Variants in HIVEP2 observed in about 807,000 individuals in gnomAD.
HIVEP2 encodes HIVEP zinc finger 2, also known as transcription factor HIVEP2.
Under a neutral mutation model 180.7 loss-of-function variants are expected in HIVEP2, and 14 were observed. The ratio of observed to expected loss-of-function variants is 0.08; its 90% CI spans 0.05 to 0.12. The LOEUF (loss-of-function observed/expected upper bound fraction) is 0.12. HIVEP2 is among the 10% of genes least tolerant of loss of function. The probability of loss-of-function intolerance (pLI) is 1.00; values close to 1 mark genes in which losing one functional copy is unlikely to be tolerated. For missense variants in HIVEP2, 2,579 were observed against 3,008.5 expected (o/e 0.86, Z 3.34); for synonymous variants, 1,184 against 1,136.4 (o/e 1.04, Z -0.84).
intron 2 of HIVEP2, among the ~76,000 whole-genome samples, chr6:142,802,526 GAA>G (rs112222829): frequency 7.0e-6 from 1 of 142,068 alleles, no homozygotes; most frequent in African/African-American, 2.6e-5. Flanking sequence ...AGTAATAAAG[GAA>G]AAAAAAAAAG....
intron 1 of HIVEP2, among the ~76,000 whole-genome samples, chr6:142,853,965 C>T (rs78798588): frequency 0.014 from 2,165 of 152,180 alleles, 31 homozygotes; most frequent in Non-Finnish European, 0.022. Flanking sequence ...ACAAGGCAAC[C>T]GGGGAATTCC....
chr6:142,901,207 CAG>C (rs1777125129), intron 1 of HIVEP2, among the ~76,000 whole-genome samples: 2 of 152,098 alleles, frequency 1.3e-5, no homozygotes, highest in Admixed American at 1.3e-4. Context: ...CCCTTTTTAA[CAG>C]AGAAAATTTG....
At chr6:142,810,128 T>C (rs375428815) in intron 2 of HIVEP2, among the ~76,000 whole-genome samples, 4 of 152,160 alleles carry the variant, frequency 2.6e-5, no homozygotes, top group African/African-American at 7.2e-5. Context: ...ACACCTACCC[T>C]GCAGAATGTT....
intron 1 of HIVEP2, among the ~76,000 whole-genome samples, chr6:142,944,368 C>T (rs1026573000): frequency 1.3e-5 from 2 of 148,672 alleles, no homozygotes; most frequent in South Asian, 2.1e-4. Context: ...TCCACCCCCC[C>T]CCCCCACCAA....
At chr6:142,932,275 G>T (rs574287214) in intron 1 of HIVEP2, among the ~76,000 whole-genome samples, 6 of 152,050 alleles carry the variant, frequency 3.9e-5, no homozygotes, top group Non-Finnish European at 7.4e-5. Flanking sequence ...GCACATACCA[G>T]AATCTCAAGA....
intron 2 of HIVEP2, among the ~76,000 whole-genome samples, chr6:142,789,059 G>A (rs1776075487): frequency 1.3e-5 from 2 of 152,160 alleles, no homozygotes; most frequent in African/African-American, 4.8e-5. Flanking sequence ...TATTTTGTGT[G>A]ATGGAATGTT....
chr6:142,922,556 C>G (rs1337696017), intron 1 of HIVEP2, among the ~76,000 whole-genome samples: 1 of 152,140 alleles, frequency 6.6e-6, no homozygotes, highest in African/African-American at 2.4e-5. Context: ...ACACTTAAGC[C>G]TCATAAGGTC....
Position 142,774,406 on chromosome 6 carries a change from G to A in HIVEP2, c.333C>T (p.His111=). Reference sequence around the variant, plus strand: ...CGAGGCTCTGATGTGGCTTGGTGCTGTGCATGACCCCCTGTGGCAATGAGT... The same window carrying A: ...CGAGGCTCTGATGTGGCTTGGTGCTATGCATGACCCCCTGTGGCAATGAGT... ...PQHSLPQGVM[H]STKPHQSLEG... Residue 111 remains histidine (H), a synonymous_variant, in exon 5 of 10, where the codon CAC becomes CAT. Transcript: ENST00000367603. This position sits in a 1 kb window ranked among gnomAD's most constrained non-coding sequence, Gnocchi z 5.1. 4 of 1,614,172 alleles carry A rather than the reference G, an allele frequency of 2.5e-6. No homozygotes were observed. Among genetic ancestry groups the A allele is most frequent in the Middle Eastern group, 1.6e-4 (1 of 6,062 alleles).
chr6:142,856,356 C>G (rs963790724), intron 1 of HIVEP2, among the ~76,000 whole-genome samples: 7 of 151,566 alleles, frequency 4.6e-5, no homozygotes, highest in Admixed American at 4.6e-4. Flanking sequence ...ACACTGAAGA[C>G]TCAAAGATAC....
rs1491222527 is a variant in HIVEP2, at chr6:142,846,430, T to TTA, written c.-640-9384_-640-9383insTA. Among the ~76,000 whole-genome samples, 7 of 152,214 alleles carry TTA rather than the reference T, an allele frequency of 4.6e-5. No homozygotes were observed. In the East Asian group the frequency reaches 1.3e-3, roughly 29 times the overall value. The stretch of plus-strand genomic sequence containing the variant: ...TAAGTGAGATGTGACATTCTCCCGG[T>TTA]CCCCTTAATAGGGCATTAAGTCTAA... On this transcript the variant is annotated intron_variant, in intron 1 of 9. Transcript: ENST00000367603.
intron 1 of HIVEP2, among the ~76,000 whole-genome samples, chr6:142,881,340 C>T (rs1246086270): frequency 6.6e-6 from 1 of 152,064 alleles, no homozygotes; most frequent in Non-Finnish European, 1.5e-5. Flanking sequence ...TTTAAATGTC[C>T]AGTTAAAAAT....
intron 2 of HIVEP2, among the ~76,000 whole-genome samples, chr6:142,794,478 T>G (rs1776233837): frequency 6.6e-6 from 1 of 152,192 alleles, no homozygotes; most frequent in Non-Finnish European, 1.5e-5. Context: ...CTGTATTGAT[T>G]CCAAGAGAAG....
chr6:142,840,083 A>T (rs944351650), intron 1 of HIVEP2, among the ~76,000 whole-genome samples: 1 of 152,118 alleles, frequency 6.6e-6, no homozygotes, highest in African/African-American at 2.4e-5. Flanking sequence ...ACAGACCTCA[A>T]ATACCACGGT....
intron 3 of HIVEP2, among the ~76,000 whole-genome samples, chr6:142,778,303 G>C (rs771160722): frequency 6.6e-6 from 1 of 152,088 alleles, no homozygotes; most frequent in Non-Finnish European, 1.5e-5. Context: ...ATGCTAACAA[G>C]AAGAAGACAC....
chr6:142,940,476 C>T (rs1432533510), intron 1 of HIVEP2, among the ~76,000 whole-genome samples: 4 of 152,188 alleles, frequency 2.6e-5, no homozygotes, highest in Non-Finnish European at 5.9e-5. Context: ...CTCCAAGGAT[C>T]AACCTGTAAC....
intron 2 of HIVEP2, among the ~76,000 whole-genome samples, chr6:142,811,990 G>A (rs149921004): frequency 6.6e-6 from 1 of 152,338 alleles, no homozygotes; most frequent in East Asian, 1.9e-4. Flanking sequence ...TGAAAGAAGG[G>A]AAGCAAATGA....
At chr6:142,859,903 AGT>A (rs1165933832) in intron 1 of HIVEP2, among the ~76,000 whole-genome samples, 1 of 151,912 alleles carries the variant, frequency 6.6e-6, no homozygotes, top group African/African-American at 2.4e-5. Context: ...TGATAAAAGA[AGT>A]GTTTATCACT....
intron 1 of HIVEP2, among the ~76,000 whole-genome samples, chr6:142,868,407 G>A (rs925378856): frequency 2.0e-5 from 3 of 152,108 alleles, no homozygotes; most frequent in African/African-American, 4.8e-5. Context: ...CTTAAATCTC[G>A]GGCCAAGTGA....
intron 1 of HIVEP2, among the ~76,000 whole-genome samples, chr6:142,940,802 T>C (rs1052555315): frequency 2.0e-5 from 3 of 152,214 alleles, no homozygotes; most frequent in Admixed American, 1.3e-4. Flanking sequence ...TAAGATTATA[T>C]GTGAGTGACA....
Sources: allele counts gnomAD v4.1 joint callset (sites outside exome capture counted in the v4.1 genomes callset), GRCh38; gene constraint gnomAD v4.1.1; non-coding constraint Gnocchi (gnomAD v3.1); transcripts MANE v1.5; gene names NCBI Gene and HGNC (gene_info 2026-07-23, HGNC 2026-07-21).